The following MOK variants were observed in gnomAD, a reference collection of about 807,000 sequenced individuals.
MOK encodes MOK protein kinase, also known as MAPK/MAK/MRK overlapping kinase.
Under a neutral mutation model 54.2 loss-of-function variants are expected in MOK, and 59 were observed. That is an observed-to-expected ratio of 1.09 (90% CI 0.88 to 1.35). The LOEUF is 1.35. Ranked by LOEUF, MOK falls within the 40% of genes most tolerant of loss-of-function variation. The pLI, the probability that MOK is intolerant of heterozygous loss-of-function variation, is 0.00. For synonymous variants in MOK, 210 were observed against 202.7 expected, an observed-to-expected ratio of 1.04 and a Z score of -0.31; for missense variants, 517 against 526.2, an observed-to-expected ratio of 0.98 and a Z score of 0.17.
At chr14:102,264,811 G>A (rs1393920901) in intron 3 of MOK, among the ~76,000 whole-genome samples, 1 of 152,034 alleles carries the variant, frequency 6.6e-6, no homozygotes, top group African/African-American at 2.4e-5. Flanking sequence ...GAGTTCCTTG[G>A]CCGATCTTAC....
chr14:102,238,072 C>T lies in MOK; in HGVS notation c.591-4283G>A, dbSNP rs912460560. On this transcript the variant is annotated intron_variant, in intron 7 of 11. Transcript: ENST00000361847. This position sits in a 1 kb window ranked among gnomAD's most constrained non-coding sequence, Gnocchi z 4.8. Reference sequence around the variant, plus strand: ...TCATTCTTGCACTGACGTCCTAGATCACCTGCAGCCACACTTTCCTAACAT... The same window carrying T: ...TCATTCTTGCACTGACGTCCTAGATTACCTGCAGCCACACTTTCCTAACAT... 3.3e-5 allele frequency: 5 copies of T among 152,274 alleles called. No individual in the cohort carries two copies. Among genetic ancestry groups the T allele is most frequent in the Admixed American group, 6.5e-5 (1 of 15,282 alleles). 9.4% of individuals were successfully genotyped at this position (152,274 alleles called of 1,614,324 possible).
intron 1 of MOK, among the ~76,000 whole-genome samples, chr14:102,293,065 G>A (rs1328043532): frequency 2.6e-5 from 4 of 152,168 alleles, no homozygotes; most frequent in South Asian, 2.1e-4. Context: ...CCTGGGAGGC[G>A]GAGGTTGCAG....
chr14:102,266,320 T>C (rs1049779857), intron 2 of MOK, among the ~76,000 whole-genome samples: 17 of 151,870 alleles, frequency 1.1e-4, no homozygotes, highest in Admixed American at 4.6e-4. Flanking sequence ...TTTTTTTTTG[T>C]TTTTGAGACA....
chr14:102,282,347 G>A (rs1485665264), intron 2 of MOK, among the ~76,000 whole-genome samples: 2 of 151,976 alleles, frequency 1.3e-5, no homozygotes, highest in Admixed American at 1.3e-4. Context: ...TGTCACTTAT[G>A]TTATATTAAT....
downstream of MOK, among the ~76,000 whole-genome samples, chr14:102,228,344 C>T (rs1378761135): frequency 6.6e-6 from 1 of 152,236 alleles, no homozygotes; most frequent in Non-Finnish European, 1.5e-5. Flanking sequence ...GAGGAGCACA[C>T]AGGGCTCCGA....
chr14:102,302,087 C>CTT (rs1165298757), intron 1 of MOK, among the ~76,000 whole-genome samples: 10 of 125,330 alleles, frequency 8.0e-5, no homozygotes, highest in Admixed American at 8.2e-5. Context: ...CACACATATA[C>CTT]TTTTTTTTTT....
chr14:102,299,864 T>A (rs1161371476), intron 1 of MOK, among the ~76,000 whole-genome samples: 1 of 152,184 alleles, frequency 6.6e-6, no homozygotes, highest in Non-Finnish European at 1.5e-5. Context: ...TTTACAGACA[T>A]GAGCCACCAT....
intron 1 of MOK, among the ~76,000 whole-genome samples, chr14:102,302,478 C>G (rs12896839): frequency 6.6e-6 from 1 of 151,766 alleles, no homozygotes; most frequent in African/African-American, 2.4e-5. Flanking sequence ...TACAGTGGCC[C>G]GATCTCAGCT....
intron 1 of MOK, among the ~76,000 whole-genome samples, chr14:102,290,156 AAG>A: frequency 6.6e-6 from 1 of 151,352 alleles, no homozygotes; most frequent in Admixed American, 6.6e-5. Flanking sequence ...AAAAAAAAAA[AAG>A]ACTAGGTATG....
downstream of MOK, chr14:102,224,740 G>T (rs541010892): frequency 2.2e-6 from 1 of 456,046 alleles, no homozygotes; most frequent in Non-Finnish European, 4.4e-6. Flanking sequence ...TGCCCCACTC[G>T]AAGGCGCCAG....
chr14:102,271,160 G>A (rs75465334), intron 2 of MOK, among the ~76,000 whole-genome samples: 1 of 152,182 alleles, frequency 6.6e-6, no homozygotes, highest in Non-Finnish European at 1.5e-5. Context: ...ATTCCAGCCT[G>A]GATGACAGAG....
At chr14:102,260,176 C>CAA (rs770385409) in intron 4 of MOK, among the ~76,000 whole-genome samples, 9 of 76,238 alleles carry the variant, frequency 1.2e-4, no homozygotes, top group Non-Finnish European at 1.1e-4. Flanking sequence ...AACTCCATCT[C>CAA]AAAAAAAAAA....
chr14:102,291,202 T>C (rs748621307), intron 1 of MOK, among the ~76,000 whole-genome samples: 1 of 152,168 alleles, frequency 6.6e-6, no homozygotes, highest in Non-Finnish European at 1.5e-5. Flanking sequence ...TTGACAACTA[T>C]AGCTTAACTA....
chr14:102,251,789 G>A lies in MOK; in HGVS notation c.378C>T (p.His126=). Residue 126 remains histidine (H), a synonymous_variant, in exon 6 of 12, where the codon CAC becomes CAT. Transcript: ENST00000361847. ...GTATATTTTCTGGTTTTACATCTCT[G>A]TGAAATATTCCATTTCTGCATTCAG... ...LDHIHRNGIF[H]RDVKPENILI... 6.4e-7 allele frequency: 1 copy of A among 1,572,844 alleles called. No homozygotes were observed. Among genetic ancestry groups the A allele is most frequent in the Non-Finnish European group, 8.7e-7 (1 of 1,144,472 alleles).
chr14:102,301,540 C>A (rs528661788), intron 1 of MOK, among the ~76,000 whole-genome samples: 4 of 152,294 alleles, frequency 2.6e-5, no homozygotes, highest in South Asian at 4.1e-4. Context: ...CCCAGCCCCA[C>A]TCTGACCCCA....
intron 3 of MOK, among the ~76,000 whole-genome samples, chr14:102,264,898 G>C (rs1350148977): frequency 2.6e-5 from 4 of 152,116 alleles, no homozygotes; most frequent in Admixed American, 2.6e-4. Flanking sequence ...TGCCATTCTA[G>C]CCCACAGCAA....
At chr14:102,221,133 C>T (rs1370729959), downstream of MOK, among the ~76,000 whole-genome samples, 1 of 152,186 alleles carries the variant, frequency 6.6e-6, no homozygotes, top group African/African-American at 2.4e-5. This position sits in a 1 kb window ranked among gnomAD's most constrained non-coding sequence, Gnocchi z 4.8. Flanking sequence ...GGGGCTGCCT[C>T]CTACCTGGAG....
At chr14:102,288,577 C>T (rs542042875) in intron 1 of MOK, among the ~76,000 whole-genome samples, 6 of 152,258 alleles carry the variant, frequency 3.9e-5, no homozygotes, top group Admixed American at 2.6e-4. Context: ...TTTTGGGGTA[C>T]AGGTTTCTTT....
intron 7 of MOK, among the ~76,000 whole-genome samples, chr14:102,237,748 G>T (rs1457078536): frequency 6.6e-6 from 1 of 152,124 alleles, no homozygotes; most frequent in African/African-American, 2.4e-5. Context: ...TCCTTCCTTT[G>T]CCCCTGTAGC....
Sources: allele counts gnomAD v4.1 joint callset (sites outside exome capture counted in the v4.1 genomes callset), GRCh38; gene constraint gnomAD v4.1.1; non-coding constraint Gnocchi (gnomAD v3.1); transcripts MANE v1.5; gene names NCBI Gene and HGNC (gene_info 2026-07-23, HGNC 2026-07-21).